The following JMJD1C variants were observed in gnomAD, a reference collection of about 807,000 sequenced individuals.
The protein encoded by JMJD1C is jumonji domain containing 1C.
JMJD1C carries 31 observed loss-of-function variants against 245.3 expected under a neutral mutation model. That is an observed-to-expected ratio of 0.13 (90% CI 0.09 to 0.17). The LOEUF (loss-of-function observed/expected upper bound fraction) is 0.17, where lower values mean the gene tolerates loss of function less well. JMJD1C is among the 10% of genes least tolerant of loss of function. The pLI is 1.00. For synonymous variants in JMJD1C, 1,057 were observed against 1,017.4 expected, an observed-to-expected ratio of 1.04 and a Z score of -0.74; for missense variants, 2,691 against 3,000.2, an observed-to-expected ratio of 0.90 and a Z score of 2.41.
chr10:63,378,700 A>G (rs1946975040), intron 2 of JMJD1C, among the ~76,000 whole-genome samples: 1 of 152,314 alleles, frequency 6.6e-6, no homozygotes, highest in South Asian at 2.1e-4. Context: ...GCTTTTGAGA[A>G]TTCTCATATA....
In JMJD1C at chr10:63,214,868, G is replaced by C. The variant is rs1327926584; in HGVS notation, c.1299C>G (p.Pro433=). 1 of 1,613,742 alleles carries C rather than the reference G, an allele frequency of 6.2e-7. No individual in the cohort carries two copies. Among genetic ancestry groups the C allele is most frequent in the Non-Finnish European group, 8.5e-7 (1 of 1,179,972 alleles). Residue 433 remains proline (P), a synonymous_variant, in exon 8 of 26, where the codon CCC becomes CCG. Coordinates refer to ENST00000399262, the MANE Select transcript of JMJD1C (RefSeq NM_032776.3). The part of the protein sequence containing the change: ...GEETLKNSQP[P]WDQIQEDKKH... ...TTTTATCTTCCTGTATTTGATCCCA[G>C]GGAGGCTGGCTATTTTTTAGGGTCT...
chr10:63,341,522 G>A (rs986347749), intron 2 of JMJD1C, among the ~76,000 whole-genome samples: 3 of 152,160 alleles, frequency 2.0e-5, no homozygotes, highest in African/African-American at 4.8e-5. Context: ...CCCTGTTTTC[G>A]AGGAGTGAAT....
intron 2 of JMJD1C, among the ~76,000 whole-genome samples, chr10:63,347,084 T>C (rs933265061): frequency 6.7e-6 from 1 of 149,470 alleles, no homozygotes; most frequent in Non-Finnish European, 1.5e-5. Flanking sequence ...TTTTTTTTTT[T>C]TTTTGAGACA....
At chr10:63,292,750 T>C (rs1858931572) in intron 2 of JMJD1C, among the ~76,000 whole-genome samples, 1 of 151,954 alleles carries the variant, frequency 6.6e-6, no homozygotes, top group South Asian at 2.1e-4. Context: ...ATGTCTTCCT[T>C]AAAACCACTT....
At chr10:63,204,660 T>C in intron 10 of JMJD1C, 1 of 985,378 alleles carries the variant, frequency 1.0e-6, no homozygotes, top group Non-Finnish European at 1.2e-6. Flanking sequence ...CAACACTGTA[T>C]ATAATCCAAT....
chr10:63,352,325 C>T (rs72835382), intron 2 of JMJD1C, among the ~76,000 whole-genome samples: 1 of 151,900 alleles, frequency 6.6e-6, no homozygotes, highest in African/African-American at 2.4e-5. Context: ...TTATTAGATA[C>T]CAATAAAAAG....
chr10:63,412,462 T>C (rs1949544423), intron 1 of JMJD1C, among the ~76,000 whole-genome samples: 1 of 152,218 alleles, frequency 6.6e-6, no homozygotes, highest in South Asian at 2.1e-4. Flanking sequence ...TGGTATTTAG[T>C]GGAGAGGTCA....
chr10:63,509,225 C>T (rs916785894), intron 1 of JMJD1C, among the ~76,000 whole-genome samples: 3 of 152,240 alleles, frequency 2.0e-5, no homozygotes, highest in Non-Finnish European at 4.4e-5. Context: ...TGCTAGATTA[C>T]ACTAACTGAT....
intron 1 of JMJD1C, among the ~76,000 whole-genome samples, chr10:63,438,138 A>G (rs1369467963): frequency 1.3e-5 from 2 of 152,162 alleles, no homozygotes; most frequent in Non-Finnish European, 2.9e-5. Context: ...AATTTAACAC[A>G]TCTAAAAGAC....
chr10:63,416,191 A>G (rs148959365), intron 1 of JMJD1C, among the ~76,000 whole-genome samples: 4 of 152,208 alleles, frequency 2.6e-5, no homozygotes, highest in Admixed American at 6.5e-5. Context: ...AGAGAAACTT[A>G]TAACAGTGTT....
At chr10:63,176,589 A>ACAACTGAAT in intron 23 of JMJD1C, 116 bp from the exon 24 acceptor site, 1 of 755,428 alleles carries the variant, frequency 1.3e-6, no homozygotes, top group Non-Finnish European at 2.1e-6. Flanking sequence ...AATCAATGGA[A>ACAACTGAAT]CAACTGAATG....
In JMJD1C at chr10:63,194,349, A is replaced by G. The variant is rs766470884; in HGVS notation, c.5671T>C (p.Cys1891Arg). The G allele has an allele frequency of 6.2e-7, 1 of 1,612,184 alleles. No homozygotes were observed. Among genetic ancestry groups the G allele is most frequent in the Non-Finnish European group, 8.5e-7 (1 of 1,178,354 alleles). Residue 1891 changes from cysteine to arginine, a missense_variant, in exon 14 of 26, where the codon TGT (cysteine) becomes CGT (arginine). Transcript: ENST00000399262. ...TGATCATGAGGCTGTCCCTTCACAC[A>G]CTTCATCCAAGCATATAGTTCTTTA... Reference protein sequence around the residue: ...RDKELYAWMKCVKGQPHDHKH... With the variant: ...RDKELYAWMKRVKGQPHDHKH...
chr10:63,480,537 G>T (rs367839961), intron 1 of JMJD1C, among the ~76,000 whole-genome samples: 82 of 151,856 alleles, frequency 5.4e-4, no homozygotes, highest in African/African-American at 1.9e-3. Flanking sequence ...CCCTAGAATG[G>T]CAGCAATGAA....
chr10:63,249,072 T>G (rs1045339902), intron 3 of JMJD1C, among the ~76,000 whole-genome samples: 1 of 152,326 alleles, frequency 6.6e-6, no homozygotes, highest in East Asian at 1.9e-4. Context: ...TCCCAGCACT[T>G]TGGGAGGCCA....
chr10:63,380,136 G>A (rs1202048030), intron 2 of JMJD1C, 182 bp downstream of exon 2: 7 of 513,568 alleles, frequency 1.4e-5, no homozygotes, highest in Admixed American at 3.6e-5. Flanking sequence ...TAGAGATGGG[G>A]TCTCGCTTTT....
intron 3 of JMJD1C, among the ~76,000 whole-genome samples, chr10:63,220,893 G>C (rs953358557): frequency 2.0e-5 from 3 of 152,104 alleles, no homozygotes; most frequent in Non-Finnish European, 2.9e-5. Context: ...TGGATCACAA[G>C]GTCAGGAGAT....
intron 24 of JMJD1C, among the ~76,000 whole-genome samples, chr10:63,175,914 A>G (rs7079333): frequency 6.6e-6 from 1 of 152,176 alleles, no homozygotes; most frequent in African/African-American, 2.4e-5. Context: ...CAGGCCCCTG[A>G]TATGCTAGCA....
At chr10:63,225,990 C>A (rs1225086488) in intron 3 of JMJD1C, among the ~76,000 whole-genome samples, 1 of 151,140 alleles carries the variant, frequency 6.6e-6, no homozygotes, top group Non-Finnish European at 1.5e-5. Context: ...CCCCCACCCC[C>A]CCCTTCCCTC....
intron 1 of JMJD1C, among the ~76,000 whole-genome samples, chr10:63,435,595 A>T (rs915329430): frequency 1.3e-5 from 2 of 152,136 alleles, no homozygotes; most frequent in East Asian, 3.9e-4. Flanking sequence ...ATTCCAGTTG[A>T]AAATGACTTA....
Sources: allele counts gnomAD v4.1 joint callset (sites outside exome capture counted in the v4.1 genomes callset), GRCh38; gene constraint gnomAD v4.1.1; transcripts MANE v1.5; gene names NCBI Gene and HGNC (gene_info 2026-07-23, HGNC 2026-07-21).